The following CDX1 variants were observed in gnomAD, a reference collection of about 807,000 sequenced individuals.
CDX1 encodes the protein homeobox protein CDX-1.
In CDX1, 9 loss-of-function variants were observed where a neutral mutation model predicts 16.9. That is an observed-to-expected ratio of 0.53 (90% CI 0.32 to 0.93). The LOEUF (loss-of-function observed/expected upper bound fraction) is 0.93, where lower values mean the gene tolerates loss of function less well. Ranked by LOEUF, CDX1 falls within the 40% of genes least tolerant of loss-of-function variation. The probability of loss-of-function intolerance (pLI) is 0.04; values close to 1 mark genes in which losing one functional copy is unlikely to be tolerated. For synonymous variants in CDX1, 179 were observed against 179.0 expected (o/e 1.00, Z 0.00); for missense variants, 393 against 386.1 (o/e 1.02, Z -0.15).
At position 150,182,825 on chromosome 5, in the gene CDX1, A is replaced by C. The variant is rs746782770; in HGVS notation, c.503A>C (p.Glu168Ala). 1 of 1,613,334 alleles carries C rather than the reference A, an allele frequency of 6.2e-7. No homozygotes were observed. Among genetic ancestry groups the C allele is most frequent in the African/African-American group, 1.3e-5 (1 of 75,004 alleles). ...GTCTACACCGACCACCAACGCCTGG[A>C]GCTGGAGAAGGAGTTTCATTACAGC... The part of the protein sequence containing the change: ...RVVYTDHQRL[E>A]LEKEFHYSRY... The change falls in exon 2 of 3, where the codon GAG becomes GCG. Residue 168 changes from glutamate (E) to alanine (A), a missense_variant. Glu to Ala is a moderately radical substitution (Grantham distance 107). Transcript: ENST00000231656.
chr5:150,173,071 T>A (rs1422628636), intron 1 of CDX1, among the ~76,000 whole-genome samples: 1 of 151,720 alleles, frequency 6.6e-6, no homozygotes, highest in East Asian at 1.9e-4. Flanking sequence ...CCCACATGGA[T>A]CCCCCCCATC....
At chr5:150,170,394 T>G (rs1761489017) in intron 1 of CDX1, among the ~76,000 whole-genome samples, 2 of 152,248 alleles carry the variant, frequency 1.3e-5, no homozygotes, top group Admixed American at 1.3e-4. Context: ...CAGAACTATG[T>G]CTGCTTAACC....
chr5:150,183,093 T>C (rs942053491), intron 2 of CDX1, among the ~76,000 whole-genome samples, 180 bp downstream of exon 2: 1 of 152,178 alleles, frequency 6.6e-6, no homozygotes, highest in South Asian at 2.1e-4. Flanking sequence ...AAACCCAGTA[T>C]CCTTGCCCCC....
Position 150,183,808 on chromosome 5 carries a change from TC to T in CDX1, c.*130del. 1.4e-6 allele frequency: 1 copy of T among 695,272 alleles called. No homozygotes were observed. Among genetic ancestry groups the T allele is most frequent in the Non-Finnish European group, 2.3e-6 (1 of 432,232 alleles). The allele number at this position is 695,272 out of a possible 1,614,324, so 43.1% of individuals were successfully genotyped here. On this transcript the variant is annotated 3_prime_UTR_variant, in exon 3 of 3. Coordinates refer to ENST00000231656, the MANE Select transcript of CDX1 (RefSeq NM_001804.3). Reference sequence around the variant, plus strand: ...CTGGGACATGGTGGACAGTCACCTATCCACCCTCTGCATCCCCTTGGCCCAT... The same window carrying T: ...CTGGGACATGGTGGACAGTCACCTATCACCCTCTGCATCCCCTTGGCCCAT...
rs4705419 is a variant in CDX1, at chr5:150,184,152, T to C, written c.*472T>C. 152,266 of 153,308 alleles carry C rather than the reference T, an allele frequency of 0.99. 75,621 individuals are homozygous for C. The highest frequency in any genetic ancestry group is 1 in the East Asian group (5,199 of 5,200). 9.5% of individuals were successfully genotyped at this position (153,308 alleles called of 1,614,324 possible). The stretch of plus-strand genomic sequence containing the variant: ...CACCTGCCTCTTCCTGCAGCCTCAC[T>C]TCTACCTGCCCCCATCATAAGGGCA... On this transcript the variant is annotated 3_prime_UTR_variant, in exon 3 of 3. Coordinates refer to ENST00000231656, the MANE Select transcript of CDX1 (RefSeq NM_001804.3).
chr5:150,166,795 C>A lies in CDX1; in HGVS notation c.-82C>A. On this transcript the variant is annotated 5_prime_UTR_variant, in exon 1 of 3. Transcript: ENST00000231656. ...GGCGCGGCGGCAGGACAGCCGAGTT[C>A]AGGTGAGCGGTTGCTCGTCGTCGGG... is the stretch of plus-strand genomic sequence containing the variant. 9.9e-7 allele frequency: 1 copy of A among 1,012,628 alleles called. No individual in the cohort carries two copies. The highest frequency in any genetic ancestry group is 1.3e-6 in the Non-Finnish European group (1 of 751,142). The allele number at this position is 1,012,628 out of a possible 1,614,324, so 62.7% of individuals were successfully genotyped here. A position where few individuals can be genotyped will look rare whatever the true frequency, so the allele number is the denominator to read the frequency against.
Position 150,183,622 on chromosome 5 carries a change from A to G in CDX1, c.740A>G (p.Asn247Ser). The G allele has an allele frequency of 6.2e-7, 1 of 1,608,454 alleles. No homozygotes were observed. The highest frequency in any genetic ancestry group is 8.5e-7 in the Non-Finnish European group (1 of 1,176,244). The change falls in exon 3 of 3, where the codon AAC (asparagine) becomes AGC (serine). Residue 247 changes from asparagine to serine, a missense_variant. Physicochemically the swap from Asn to Ser is conservative, Grantham distance 46. Coordinates refer to ENST00000231656, the MANE Select transcript of CDX1 (RefSeq NM_001804.3). ...GPSLGGLCPS[N>S]TSLLATSSPM... ...TCCCTGGGGGGCCTGTGTCCCAGCA[A>G]CACCAGCCTCCTGGCCACCTCCTCT...
At chr5:150,172,738 C>G (rs1039620920) in intron 1 of CDX1, among the ~76,000 whole-genome samples, 1 of 152,178 alleles carries the variant, frequency 6.6e-6, no homozygotes, top group African/African-American at 2.4e-5. Flanking sequence ...GACACCTCAT[C>G]GCTCAGATAT....
In CDX1 at chr5:150,167,285, C is replaced by T. The variant is rs1462885045; in HGVS notation, c.409C>T (p.Arg137Trp). The T allele has an allele frequency of 1.6e-6, 2 of 1,265,144 alleles. No homozygotes were observed. Among genetic ancestry groups the T allele is most frequent in the Non-Finnish European group, 2.0e-6 (2 of 1,010,954 alleles). 78.4% of individuals were successfully genotyped at this position (1,265,144 alleles called of 1,614,324 possible). ...GAGGCCGACGCCCTACGAGTGGATG[C>T]GGCGCAGCGTGGCGGCCGGAGGCGG... The part of the protein sequence containing the change: ...AQRPTPYEWM[R>W]RSVAAGGGGG... Residue 137 changes from arginine (R) to tryptophan (W), a missense_variant, in exon 1 of 3, where the codon CGG becomes TGG. Arg to Trp is a moderately radical substitution (Grantham distance 101). Coordinates refer to ENST00000231656, the MANE Select transcript of CDX1 (RefSeq NM_001804.3).
rs1752493402 is a variant in CDX1 at position 150,183,311 on chromosome 5, G to T, written c.592-163G>T. Among the ~76,000 whole-genome samples, 4 of 152,098 alleles carry T rather than the reference G, an allele frequency of 2.6e-5. No individual in the cohort carries two copies. The South Asian group carries it at 8.3e-4, about 32-fold the overall frequency. ...GGGTAGGGGTGCAATGTCTAGAGGGGGAGAATGAATTCAGGGTCCATGTGG... is the reference window on the plus strand; with the variant it reads ...GGGTAGGGGTGCAATGTCTAGAGGGTGAGAATGAATTCAGGGTCCATGTGG... On this transcript the variant is annotated intron_variant, in intron 2 of 2. Transcript: ENST00000231656.
intron 1 of CDX1, among the ~76,000 whole-genome samples, chr5:150,173,412 T>C (rs1256692022): frequency 6.6e-6 from 1 of 152,140 alleles, no homozygotes; most frequent in African/African-American, 2.4e-5. Flanking sequence ...CTGGAATGTC[T>C]TTCCCTGTTC....
intron 1 of CDX1, among the ~76,000 whole-genome samples, chr5:150,176,163 C>T (rs73279805): frequency 0.037 from 5,689 of 152,282 alleles, 348 homozygotes; most frequent in African/African-American, 0.13. Context: ...AGAAGTGCCA[C>T]CACCTCTGAG....
intron 1 of CDX1, among the ~76,000 whole-genome samples, chr5:150,172,177 T>C (rs1361351547): frequency 6.6e-6 from 1 of 152,226 alleles, no homozygotes; most frequent in Non-Finnish European, 1.5e-5. Context: ...CTTGTTTTCA[T>C]GACACTTACC....
At chr5:150,174,667 C>T (rs1338094324) in intron 1 of CDX1, among the ~76,000 whole-genome samples, 3 of 152,042 alleles carry the variant, frequency 2.0e-5, no homozygotes, top group African/African-American at 7.3e-5. Context: ...ATTAATGTGG[C>T]TAGTTGCTGT....
intron 1 of CDX1, among the ~76,000 whole-genome samples, chr5:150,176,937 T>A (rs559589779): frequency 6.6e-6 from 1 of 152,346 alleles, no homozygotes; most frequent in African/African-American, 2.4e-5. Context: ...CAGCTGGGGC[T>A]GGACCACCCA....
At chr5:150,170,859 C>CTT (rs918303322) in intron 1 of CDX1, among the ~76,000 whole-genome samples, 1 of 151,578 alleles carries the variant, frequency 6.6e-6, no homozygotes, top group African/African-American at 2.4e-5. Flanking sequence ...ACAAGACGTT[C>CTT]TTTTTTTTTC....
intron 1 of CDX1, among the ~76,000 whole-genome samples, chr5:150,171,804 A>G (rs1761511066): frequency 6.6e-6 from 1 of 152,248 alleles, no homozygotes; most frequent in Non-Finnish European, 1.5e-5. Context: ...TTGCATTTCC[A>G]TAAGAAGCTG....
chr5:150,178,356 C>G (rs1389156788), intron 1 of CDX1, among the ~76,000 whole-genome samples: 1 of 152,224 alleles, frequency 6.6e-6, no homozygotes, highest in Admixed American at 6.5e-5. Flanking sequence ...CATTCTCCCT[C>G]CCACCCATTC....
rs182821547 is a variant in CDX1 at position 150,168,531 on chromosome 5, C to T, written c.445+1210C>T. The stretch of plus-strand genomic sequence containing the variant: ...CTAATGTTTTGGAACACTTAACTAA[C>T]GGACCAGGCATGACCTAAGTAAGAT... On this transcript the variant is annotated intron_variant, in intron 1 of 2. Transcript: ENST00000231656. Among the ~76,000 whole-genome samples, 286 of 152,334 alleles carry T rather than the reference C, an allele frequency of 1.9e-3. 1 individual carries two copies. Among genetic ancestry groups the T allele is most frequent in the African/African-American group, 6.6e-3 (276 of 41,550 alleles).
Sources: allele counts gnomAD v4.1 joint callset (sites outside exome capture counted in the v4.1 genomes callset), GRCh38; gene constraint gnomAD v4.1.1; transcripts MANE v1.5; gene names NCBI Gene and HGNC (gene_info 2026-07-23, HGNC 2026-07-21).